TRIM34: variants seen among roughly 807,000 people sequenced by gnomAD.
The protein encoded by TRIM34 is tripartite motif containing 34, also known as E3 ubiquitin-protein ligase TRIM34.
In TRIM34, 41 loss-of-function variants were observed where a neutral mutation model predicts 38.1. The ratio of observed to expected loss-of-function variants is 1.08; its 90% CI spans 0.84 to 1.40. The LOEUF is 1.40. Among genes scored for constraint, TRIM34 ranks in the 40% most tolerant of loss-of-function variants. The probability of loss-of-function intolerance (pLI) is 0.00; values close to 1 mark genes in which losing one functional copy is unlikely to be tolerated. For missense variants in TRIM34, 556 were observed against 571.4 expected, an observed-to-expected ratio of 0.97 and a Z score of 0.27; for synonymous variants, 200 against 202.5, an observed-to-expected ratio of 0.99 and a Z score of 0.10.
chr11:5,626,069 C>G (rs953933772), intron 1 of TRIM34, among the ~76,000 whole-genome samples: 93 of 152,198 alleles, frequency 6.1e-4, no homozygotes, highest in Non-Finnish European at 1.0e-4. Context: ...TCTCACCCTT[C>G]AGAGTTCACT....
rs1458035611 is a variant in TRIM34, at chr11:5,642,953, A to G, written c.901+110A>G. 4 of 1,473,848 alleles carry G rather than the reference A, an allele frequency of 2.7e-6. No homozygotes were observed. The African/African-American group carries it at 5.6e-5, about 21-fold the overall frequency. The allele number at this position is 1,473,848 out of a possible 1,614,324, so 91.3% of individuals were successfully genotyped here. On this transcript the variant is annotated intron_variant, in intron 7 of 7. Transcript: ENST00000429814. ...CTCATGCATTCTCAGCACCTCCCAAAACATTTGCTAAATACATTTCTCCAG... is the reference window on the plus strand; with the variant it reads ...CTCATGCATTCTCAGCACCTCCCAAGACATTTGCTAAATACATTTCTCCAG...
In TRIM34 at chr11:5,632,324, G is replaced by A. The variant is rs150211375; in HGVS notation, c.-8G>A. ...GTTAGGACCAGAAGAAGCCAGGGAA[G>A]CAGTGCAATGGCTTCAAAAATCTTG... On this transcript the variant is annotated 5_prime_UTR_variant, in exon 2 of 8. Coordinates refer to ENST00000429814, the MANE Select transcript of TRIM34 (RefSeq NM_021616.6). 3 of 1,614,014 alleles carry A rather than the reference G, an allele frequency of 1.9e-6. No homozygotes were observed. The African/African-American group carries it at 4.0e-5, about 22-fold the overall frequency.
chr11:5,640,371 T>C (rs1274377697), intron 4 of TRIM34, among the ~76,000 whole-genome samples: 1 of 152,186 alleles, frequency 6.6e-6, no homozygotes, highest in Non-Finnish European at 1.5e-5. Context: ...GAATGCTTTT[T>C]TTCATGTCTA....
chr11:5,625,789 G>A (rs754096289), intron 1 of TRIM34, among the ~76,000 whole-genome samples: 7 of 152,148 alleles, frequency 4.6e-5, no homozygotes, highest in East Asian at 1.9e-4. Context: ...TGCTACCAGC[G>A]TCTTCACCTG....
chr11:5,637,107 A>T (rs905920773), intron 4 of TRIM34, among the ~76,000 whole-genome samples: 1 of 152,132 alleles, frequency 6.6e-6, no homozygotes, highest in East Asian at 1.9e-4. Flanking sequence ...CAGGAGGCGG[A>T]GCTTGCAGTG....
chr11:5,634,384 C>G (rs935981075), intron 3 of TRIM34, among the ~76,000 whole-genome samples: 1 of 151,006 alleles, frequency 6.6e-6, no homozygotes, highest in African/African-American at 2.4e-5. Context: ...GAAAAAATAG[C>G]TTCCCTCCAA....
At chr11:5,634,589 C>T in intron 3 of TRIM34, 42 bp from the exon 4 acceptor site, 1 of 1,550,926 alleles carries the variant, frequency 6.4e-7, no homozygotes, top group Admixed American at 1.8e-5. Context: ...TAGGCCTTAG[C>T]CTGACAAACT....
At chr11:5,626,157 C>T (rs376991380) in intron 1 of TRIM34, among the ~76,000 whole-genome samples, 3 of 152,160 alleles carry the variant, frequency 2.0e-5, no homozygotes, top group Admixed American at 2.0e-4. Context: ...CTCCCAGAGG[C>T]GTCTAGTCAG....
chr11:5,633,916 A>C lies in TRIM34; in HGVS notation c.519+17A>C. The C allele has an allele frequency of 1.2e-6, 2 of 1,612,686 alleles. No individual in the cohort carries two copies. Among genetic ancestry groups the C allele is most frequent in the Non-Finnish European group, 1.7e-6 (2 of 1,179,428 alleles). ...TCCTGGAAGGCAAGAGGAGATTCTG[A>C]AGGTTTTCTGAGACAGGAATCTTGA... On this transcript the variant is annotated intron_variant, in intron 3 of 7. Transcript: ENST00000429814.
Position 5,643,558 on chromosome 11 carries a change from A to T in TRIM34, c.1316A>T (p.Tyr439Phe), listed in dbSNP as rs766401090. ...PPCRVGVFLD[Y>F]EAGIVSFFNV... is the part of the protein sequence containing the mutation. ...TGCCGTGTTGGGGTTTTCCTCGACTATGAAGCAGGCATTGTCTCATTTTTC... is the reference window on the plus strand; with the variant it reads ...TGCCGTGTTGGGGTTTTCCTCGACTTTGAAGCAGGCATTGTCTCATTTTTC... The change falls in exon 8 of 8, where the codon TAT (tyrosine) becomes TTT (phenylalanine). Residue 439 changes from tyrosine (Y) to phenylalanine (F), a missense_variant. Physicochemically the swap from Tyr to Phe is conservative, Grantham distance 22. Transcript: ENST00000429814. The T allele has an allele frequency of 7.4e-5, 119 of 1,614,076 alleles. No homozygotes were observed. The highest frequency in any genetic ancestry group is 9.6e-5 in the Non-Finnish European group (113 of 1,180,046).
chr11:5,643,059 T>A (rs1194637312), intron 7 of TRIM34, 85 bp from the exon 8 acceptor site: 31 of 1,287,976 alleles, frequency 2.4e-5, no homozygotes, highest in Non-Finnish European at 3.2e-5. Context: ...TAGATAAACC[T>A]ACTCCATATC....
intron 1 of TRIM34, among the ~76,000 whole-genome samples, chr11:5,630,461 T>C (rs1351964013): frequency 1.3e-5 from 2 of 152,212 alleles, no homozygotes; most frequent in Non-Finnish European, 2.9e-5. Context: ...TTAGGAAGTG[T>C]CACATATCCA....
At chr11:5,626,718 A>T (rs1343345354) in intron 1 of TRIM34, 1 of 149,146 alleles carries the variant, frequency 6.7e-6, no homozygotes, top group African/African-American at 2.6e-5. Flanking sequence ...TGTCTCTACT[A>T]AAAAAATGCA....
rs745534703 is a variant in TRIM34 at position 5,644,030 on chromosome 11, G to T, written c.*321G>T. The T allele has an allele frequency of 4.4e-6, 2 of 454,302 alleles. No individual in the cohort carries two copies. The highest frequency in any genetic ancestry group is 7.6e-6 in the Non-Finnish European group (2 of 263,100). The allele number at this position is 454,302 out of a possible 1,614,324, so 28.1% of individuals were successfully genotyped here. A position where few individuals can be genotyped will look rare whatever the true frequency, so the allele number is the denominator to read the frequency against. On this transcript the variant is annotated 3_prime_UTR_variant, in exon 8 of 8. Transcript: ENST00000429814. The stretch of plus-strand genomic sequence containing the variant: ...CCAAAGCCTGTTAGCCACCATCCAT[G>T]CTACCTAGGTAGTCCATAGGAACCA...
At chr11:5,642,260 G>C (rs1467571880) in intron 5 of TRIM34, 146 bp from the exon 6 acceptor site, 12 of 598,808 alleles carry the variant, frequency 2.0e-5, no homozygotes, top group Non-Finnish European at 3.4e-5. Flanking sequence ...CTGGATCCAG[G>C]GTCCGGCTCT....
intron 4 of TRIM34, among the ~76,000 whole-genome samples, chr11:5,635,282 G>T (rs1481667367): frequency 6.9e-6 from 1 of 144,212 alleles, no homozygotes; most frequent in Non-Finnish European, 1.5e-5. Flanking sequence ...TTGAGACGGA[G>T]TCTCGCTCTG....
intron 4 of TRIM34, among the ~76,000 whole-genome samples, chr11:5,639,941 T>C (rs1018009382): frequency 6.6e-6 from 1 of 152,184 alleles, no homozygotes; most frequent in African/African-American, 2.4e-5. Context: ...GTAAATGATG[T>C]ATCCATCACC....
rs1849995279 is a variant in TRIM34 at position 5,641,171 on chromosome 11, T to C, written c.755T>C (p.Met252Thr). ...TGTTTTCTCTTTTCTTTCTAGGACA[T>C]GAGTGGAATCATGAAATGGTGCGTA... The part of the protein sequence containing the change: ...QWSTMELLQD[M>T]SGIMKWSEIW... The change falls in exon 5 of 8, where the codon ATG becomes ACG. Residue 252 changes from methionine (M) to threonine (T), a missense_variant. Physicochemically the swap from Met to Thr is moderately conservative, Grantham distance 81 (BLOSUM62 -1). Transcript: ENST00000429814. 6.2e-7 allele frequency: 1 copy of C among 1,613,816 alleles called. No homozygotes were observed. Among genetic ancestry groups the C allele is most frequent in the East Asian group, 2.2e-5 (1 of 44,872 alleles).
upstream of TRIM34, among the ~76,000 whole-genome samples, chr11:5,620,645 A>G (rs1049669282): frequency 4.0e-5 from 6 of 151,010 alleles, no homozygotes; most frequent in African/African-American, 1.5e-4. Flanking sequence ...CTGCCCAGCT[A>G]AGTCTCCATT....
Sources: allele counts gnomAD v4.1 joint callset (sites outside exome capture counted in the v4.1 genomes callset), GRCh38; gene constraint gnomAD v4.1.1; transcripts MANE v1.5; gene names NCBI Gene and HGNC (gene_info 2026-07-23, HGNC 2026-07-21).